The following IGFL4 variants were observed in gnomAD, a reference collection of about 807,000 sequenced individuals.
IGFL4 encodes the protein insulin growth factor-like family member 4.
IGFL4 carries 12 observed loss-of-function variants against 15.4 expected under a neutral mutation model. The ratio of observed to expected loss-of-function variants is 0.78; its 90% confidence interval spans 0.50 to 1.26. IGFL4 has a LOEUF of 1.26. Ranked by LOEUF, IGFL4 falls within the 50% of genes most tolerant of loss-of-function variation. The pLI, the probability that IGFL4 is intolerant of heterozygous loss-of-function variation, is 0.00. For missense variants in IGFL4, 126 were observed against 147.8 expected, an observed-to-expected ratio of 0.85 and a Z score of 0.76; for synonymous variants, 54 against 55.9, an observed-to-expected ratio of 0.97 and a Z score of 0.16.
chr19:46,048,587 A>G (rs1388796014), intron 2 of IGFL4, among the ~76,000 whole-genome samples: 1 of 152,222 alleles, frequency 6.6e-6, no homozygotes, highest in Non-Finnish European at 1.5e-5. Flanking sequence ...TACCAAATCA[A>G]TGAGCAAAAA....
At chr19:46,068,867 C>T (rs1159680309) in intron 1 of IGFL4, among the ~76,000 whole-genome samples, 2 of 152,212 alleles carry the variant, frequency 1.3e-5, no homozygotes, top group Non-Finnish European at 1.5e-5. Flanking sequence ...GACACATTCA[C>T]TCTGAGCACT....
intron 1 of IGFL4, among the ~76,000 whole-genome samples, chr19:46,075,242 T>A (rs1025773926): frequency 3.9e-5 from 6 of 152,246 alleles, no homozygotes; most frequent in African/African-American, 1.4e-4. Flanking sequence ...CGTTAGTAAC[T>A]AAAGTCCATA....
intron 2 of IGFL4, among the ~76,000 whole-genome samples, chr19:46,054,480 C>G (rs1969375569): frequency 6.6e-6 from 1 of 152,090 alleles, no homozygotes; most frequent in South Asian, 2.1e-4. Flanking sequence ...ATTTTTATGC[C>G]AGTGCCATGC....
intron 2 of IGFL4, chr19:46,058,287 G>T (rs1253771322): frequency 1.3e-5 from 2 of 152,234 alleles, no homozygotes; most frequent in Non-Finnish European, 2.9e-5. Flanking sequence ...AAATCCAGCA[G>T]GGCAGCCAAA....
chr19:46,073,512 A>G (rs1222754060), intron 1 of IGFL4, among the ~76,000 whole-genome samples: 1 of 152,204 alleles, frequency 6.6e-6, no homozygotes, highest in Non-Finnish European at 1.5e-5. Flanking sequence ...CAGGTGCTGC[A>G]CCAGGTCTAG....
Position 46,063,368 on chromosome 19 carries a change from T to C in IGFL4, c.-431-3075A>G, listed in dbSNP as rs999901043. Among the ~76,000 whole-genome samples, 96 of 125,278 alleles carry C rather than the reference T, an allele frequency of 7.7e-4. No homozygotes were observed. In the South Asian group the frequency reaches 0.011, roughly 14 times the overall value. The allele number at this position is 125,278 out of a possible 152,430, so 82.2% of individuals were successfully genotyped here. ...ACACACACACACACACACACACACA[T>C]ACACGATCCCTCTGTCCTCTTTTAT... On this transcript the variant is annotated intron_variant, in intron 1 of 5. Coordinates refer to the IGFL4 transcript ENST00000601672.
intron 2 of IGFL4, among the ~76,000 whole-genome samples, chr19:46,050,124 C>T (rs1969332211): frequency 6.6e-6 from 1 of 152,190 alleles, no homozygotes; most frequent in South Asian, 2.1e-4. Context: ...GGGAGAGGAC[C>T]ACATCAAGGA....
At chr19:46,074,586 A>G (rs139174635) in intron 1 of IGFL4, among the ~76,000 whole-genome samples, 1 of 152,176 alleles carries the variant, frequency 6.6e-6, no homozygotes, top group East Asian at 1.9e-4. Flanking sequence ...GAGAACTTGG[A>G]GTCCGATGTT....
upstream of IGFL4, among the ~76,000 whole-genome samples, chr19:46,044,245 T>A (rs556780114): frequency 6.4e-4 from 97 of 152,280 alleles, no homozygotes; most frequent in African/African-American, 2.2e-3. Flanking sequence ...CAGAGCTGTG[T>A]GGAGTCTTGG....
chr19:46,055,132 A>C (rs891571646), intron 2 of IGFL4, among the ~76,000 whole-genome samples: 3 of 152,196 alleles, frequency 2.0e-5, no homozygotes, highest in African/African-American at 7.2e-5. Flanking sequence ...AAGGTCATCA[A>C]ATTAGTTCTG....
chr19:46,069,239 C>T (rs993374428), intron 1 of IGFL4, among the ~76,000 whole-genome samples: 2 of 152,216 alleles, frequency 1.3e-5, no homozygotes, highest in African/African-American at 4.8e-5. Context: ...CCCCAATTTT[C>T]TCTCCATCTG....
chr19:46,046,845 C>T (rs1189678237), intron 2 of IGFL4, among the ~76,000 whole-genome samples: 3 of 152,124 alleles, frequency 2.0e-5, no homozygotes, highest in Non-Finnish European at 2.9e-5. Flanking sequence ...ATTAGATCAT[C>T]GAGACAGAAA....
rs1969217478 is a variant in IGFL4 at position 46,039,785 on chromosome 19, CTGGGGGACAGAG to C, written c.*95_*106del. 9.7e-7 allele frequency: 1 copy of C among 1,031,278 alleles called. No homozygotes were observed. Among genetic ancestry groups the C allele is most frequent in the South Asian group, 1.3e-5 (1 of 78,250 alleles). 63.9% of individuals were successfully genotyped at this position (1,031,278 alleles called of 1,614,324 possible). A position where few individuals can be genotyped will look rare whatever the true frequency, so the allele number is the denominator to read the frequency against. On this transcript the variant is annotated 3_prime_UTR_variant, in exon 4 of 4. Transcript: ENST00000377697. ...TGAAGTTGCTTATTTGCACTCCAGC[CTGGGGGACAGAG>C]TGAAACTCTGTCACAACAACAACAA...
At chr19:46,051,047 A>C (rs1969341011) in intron 2 of IGFL4, among the ~76,000 whole-genome samples, 1 of 152,262 alleles carries the variant, frequency 6.6e-6, no homozygotes, top group Non-Finnish European at 1.5e-5. Context: ...TTATCAGCCA[A>C]GAATTTTTCA....
chr19:46,061,995 C>T (rs1364363453), intron 1 of IGFL4, among the ~76,000 whole-genome samples: 8 of 152,086 alleles, frequency 5.3e-5, no homozygotes, highest in Non-Finnish European at 7.4e-5. Context: ...ACAGAGTCTT[C>T]GATTTTGAGA....
At chr19:46,047,926 G>C (rs1287294994) in intron 2 of IGFL4, among the ~76,000 whole-genome samples, 3 of 152,158 alleles carry the variant, frequency 2.0e-5, no homozygotes, top group Non-Finnish European at 4.4e-5. Context: ...TATGAGCCCA[G>C]CATCATCCTG....
intron 1 of IGFL4, among the ~76,000 whole-genome samples, chr19:46,060,611 T>A (rs180830974): frequency 2.6e-5 from 4 of 152,180 alleles, no homozygotes; most frequent in African/African-American, 9.7e-5. Flanking sequence ...TAGTCAAAGA[T>A]ACGATTGACA....
upstream of IGFL4, among the ~76,000 whole-genome samples, chr19:46,041,840 T>C (rs865819657): frequency 0.015 from 2,066 of 139,876 alleles, 15 homozygotes; most frequent in Middle Eastern, 0.023. Context: ...TCTCTCTCTT[T>C]TTTTTTTTTT....
intron 2 of IGFL4, chr19:46,059,839 A>G (rs971903839): frequency 1.3e-5 from 2 of 152,214 alleles, no homozygotes; most frequent in African/African-American, 4.8e-5. Context: ...AGCTGAGCCC[A>G]GCCGTGAGTT....
Sources: allele counts gnomAD v4.1 joint callset (sites outside exome capture counted in the v4.1 genomes callset), GRCh38; gene constraint gnomAD v4.1.1; transcripts MANE v1.5; gene names NCBI Gene and HGNC (gene_info 2026-07-23, HGNC 2026-07-21).